Variants in CNTNAP3 observed in about 807,000 individuals in gnomAD.
CNTNAP3 encodes contactin associated protein family member 3.
In CNTNAP3, 36 loss-of-function variants were observed where a neutral mutation model predicts 92.1. The ratio of observed to expected loss-of-function variants is 0.39; its 90% CI spans 0.30 to 0.52. The LOEUF (loss-of-function observed/expected upper bound fraction) is 0.52, where lower values mean the gene tolerates loss of function less well. CNTNAP3 is among the 20% of genes least tolerant of loss of function. The probability of loss-of-function intolerance (pLI) is 0.76; values close to 1 mark genes in which losing one functional copy is unlikely to be tolerated. For missense variants in CNTNAP3, 534 were observed against 1,069.6 expected (o/e 0.50, Z 6.98); for synonymous variants, 232 against 422.3 (o/e 0.55, Z 5.53).
At chr9:39,076,954 T>TCAAG (rs565534637) in intron 23 of CNTNAP3, among the ~76,000 whole-genome samples, 9 of 150,580 alleles carry the variant, frequency 6.0e-5, no homozygotes, top group African/African-American at 2.2e-4. Flanking sequence ...AGACTCCCTC[T>TCAAG]CAAACAAACA....
chr9:39,075,173 G>C (rs925834436), intron 23 of CNTNAP3, among the ~76,000 whole-genome samples: 1 of 151,930 alleles, frequency 6.6e-6, no homozygotes, highest in African/African-American at 2.4e-5. Context: ...CTGGAATGTG[G>C]ATTATTTGAA....
In CNTNAP3 at chr9:39,108,638, G is replaced by T. The variant is rs183889558; in HGVS notation, c.2365+522C>A. Among the ~76,000 whole-genome samples, 799 of 152,294 alleles carry T rather than the reference G, an allele frequency of 5.2e-3. 8 individuals carry two copies. Among genetic ancestry groups the T allele is most frequent in the Middle Eastern group, 0.01 (3 of 294 alleles). On this transcript the variant is annotated intron_variant, in intron 15 of 23. Transcript: ENST00000297668. ...GCTACGCAGTAGGTAGATCCTCTAAGAACCCTGGGCTTATAGTGCCACTGA... is the reference window on the plus strand; with the variant it reads ...GCTACGCAGTAGGTAGATCCTCTAATAACCCTGGGCTTATAGTGCCACTGA...
chr9:39,141,835 T>C (rs1486648734), intron 11 of CNTNAP3, among the ~76,000 whole-genome samples: 2 of 152,196 alleles, frequency 1.3e-5, no homozygotes, highest in Non-Finnish European at 2.9e-5. Context: ...TAAATGATAA[T>C]GTACACATGT....
intron 14 of CNTNAP3, among the ~76,000 whole-genome samples, chr9:39,109,919 A>G (rs1826701755): frequency 2.0e-5 from 3 of 152,226 alleles, no homozygotes; most frequent in Admixed American, 1.3e-4. Context: ...TTTGCAGAAT[A>G]TTAATTTATC....
intron 11 of CNTNAP3, among the ~76,000 whole-genome samples, chr9:39,142,668 T>C (rs558385952): frequency 3.0e-5 from 4 of 135,120 alleles, no homozygotes; most frequent in African/African-American, 1.1e-4. Context: ...CAAGACTCCG[T>C]CTCAAAAAAA....
At chr9:39,095,954 AG>A (rs1826315575) in intron 18 of CNTNAP3, among the ~76,000 whole-genome samples, 1 of 151,638 alleles carries the variant, frequency 6.6e-6, no homozygotes, top group African/African-American at 2.4e-5. Context: ...AAATATTTAT[AG>A]ACTTTGTCTA....
Position 39,071,147 on chromosome 9 carries a change from C to A in CNTNAP3, c.*2743G>T, listed in dbSNP as rs1218338101. Among the ~76,000 whole-genome samples, 1 of 152,046 alleles carries A rather than the reference C, an allele frequency of 6.6e-6. No individual in the cohort carries two copies. The highest frequency in any genetic ancestry group is 2.4e-5 in the African/African-American group (1 of 41,382). ...ATGTTAATACATGACTTATCCTACT[C>A]CATGTCTCTATTACAATGAAAGATC... On this transcript the variant is annotated 3_prime_UTR_variant, in exon 24 of 24. Coordinates refer to ENST00000297668, the MANE Select transcript of CNTNAP3 (RefSeq NM_033655.5).
intron 21 of CNTNAP3, among the ~76,000 whole-genome samples, chr9:39,079,832 C>T (rs539766127): frequency 1.5e-5 from 2 of 136,210 alleles, no homozygotes; most frequent in African/African-American, 3.0e-5. Flanking sequence ...CCAACTTTCC[C>T]CCATTCCCAA....
intron 12 of CNTNAP3, 88 bp from the exon 13 acceptor site, chr9:39,133,223 AAC>A (rs1821347529): frequency 2.1e-6 from 3 of 1,443,894 alleles, no homozygotes; most frequent in Non-Finnish European, 2.8e-6. Flanking sequence ...TATGTGAATT[AAC>A]GTTTAATTGA....
rs1468041851 is a variant in CNTNAP3, at chr9:39,068,416, AAAAAT to A, written c.*5469_*5473del. Among the ~76,000 whole-genome samples, 16 of 152,158 alleles carry A rather than the reference AAAAAT, an allele frequency of 1.1e-4. No homozygotes were observed. Among genetic ancestry groups the A allele is most frequent in the Admixed American group, 5.3e-4 (8 of 15,220 alleles). On this transcript the variant is annotated 3_prime_UTR_variant, in exon 24 of 24. Transcript: ENST00000297668. ...GAGCGACAGAGCAAGACTCCGTCTCAAAAATAAAATAAAATTAAATTAAATTAAAT... is the reference window on the plus strand; with the variant it reads ...GAGCGACAGAGCAAGACTCCGTCTCAAAAATAAAATTAAATTAAATTAAAT...
intron 20 of CNTNAP3, 195 bp from the exon 21 acceptor site, chr9:39,086,018 T>A (rs913662062): frequency 3.1e-6 from 2 of 654,804 alleles, no homozygotes; most frequent in Non-Finnish European, 5.4e-6. Context: ...TATGATGCCA[T>A]CAGCTACCAC....
intron 21 of CNTNAP3, among the ~76,000 whole-genome samples, chr9:39,080,518 T>C (rs1825908163): frequency 7.2e-6 from 1 of 138,116 alleles, no homozygotes; most frequent in Non-Finnish European, 1.6e-5. Context: ...ATTCCAGTAA[T>C]TCCTATACCT....
At position 39,072,282 on chromosome 9, in the gene CNTNAP3, C is replaced by T. The variant is rs1313493274; in HGVS notation, c.*1608G>A. On this transcript the variant is annotated 3_prime_UTR_variant, in exon 24 of 24. Transcript: ENST00000297668. ...TGGAAATTCATTTACGTAACAGTAA[C>T]GCTGAATCAATATATTTTCAGCTTG... is the stretch of plus-strand genomic sequence containing the variant. Among the ~76,000 whole-genome samples, 6 of 136,330 alleles carry T rather than the reference C, an allele frequency of 4.4e-5. No homozygotes were observed. Among genetic ancestry groups the T allele is most frequent in the South Asian group, 2.4e-4 (1 of 4,084 alleles). The allele number at this position is 136,330 out of a possible 152,430, so 89.4% of individuals were successfully genotyped here. A position where few individuals can be genotyped will look rare whatever the true frequency, so the allele number is the denominator to read the frequency against.
chr9:39,107,269 AAAG>A (rs1352756406), intron 15 of CNTNAP3, among the ~76,000 whole-genome samples: 1 of 151,354 alleles, frequency 6.6e-6, no homozygotes, highest in African/African-American at 2.4e-5. Context: ...GAAAGAAAGA[AAAG>A]AAAGAGAGAG....
At chr9:39,088,157 G>A (rs1367743466) in intron 19 of CNTNAP3, among the ~76,000 whole-genome samples, 1 of 151,856 alleles carries the variant, frequency 6.6e-6, no homozygotes, top group Non-Finnish European at 1.5e-5. Flanking sequence ...TACTATTAAA[G>A]TCATCCTATC....
chr9:39,089,757 C>T (rs182074013), intron 18 of CNTNAP3, among the ~76,000 whole-genome samples: 4 of 151,996 alleles, frequency 2.6e-5, no homozygotes, highest in Admixed American at 6.6e-5. Context: ...ACAGCTATAC[C>T]TGTCTGTGTG....
chr9:39,133,273 T>C (rs1821348605), intron 12 of CNTNAP3, 138 bp from the exon 13 acceptor site: 1 of 1,165,624 alleles, frequency 8.6e-7, no homozygotes, highest in African/African-American at 1.5e-5. Context: ...ATTTGAGGAG[T>C]TGGACCTGTG....
chr9:39,084,260 T>G lies in CNTNAP3; in HGVS notation c.3442+1476A>C, dbSNP rs1185637252. Among the ~76,000 whole-genome samples the G allele has an allele frequency of 4.1e-5, 6 of 147,604 alleles. No homozygotes were observed. The Admixed American group carries it at 4.1e-4, about 10-fold the overall frequency. On this transcript the variant is annotated intron_variant, in intron 21 of 23. Coordinates refer to ENST00000297668, the MANE Select transcript of CNTNAP3 (RefSeq NM_033655.5). The stretch of plus-strand genomic sequence containing the variant: ...GTCATCCAGGCTGGAGTGCAGGATC[T>G]CTGCTCACTGCAAGCTCCGCCTCCT...
chr9:39,068,271 C>A lies in CNTNAP3; in HGVS notation c.*5619G>T, dbSNP rs1326702978. ...AAAAAAAAAAAAAAAAAAAAATTAG[C>A]TGGGCATGTTGGCTTGTGCCTGTAG... On this transcript the variant is annotated 3_prime_UTR_variant, in exon 24 of 24. Coordinates refer to ENST00000297668, the MANE Select transcript of CNTNAP3 (RefSeq NM_033655.5). 1.5e-5 allele frequency among the ~76,000 whole-genome samples: 2 copies of A among 134,264 alleles called. No individual in the cohort carries two copies. The highest frequency in any genetic ancestry group is 1.5e-4 in the Admixed American group (2 of 13,454). 88.1% of individuals were successfully genotyped at this position (134,264 alleles called of 152,430 possible).
Sources: gnomAD v4.1 joint callset for allele counts (sites outside exome capture counted in the v4.1 genomes callset) on GRCh38, gnomAD v4.1.1 for gene constraint, MANE v1.5 for transcripts, NCBI Gene and HGNC (gene_info 2026-07-23, HGNC 2026-07-21) for gene names.